The following CCDC57 variants were observed in gnomAD, a reference collection of about 807,000 sequenced individuals.
CCDC57 encodes the protein coiled-coil domain containing 57, also known as coiled-coil domain-containing protein 57.
CCDC57 carries 118 observed loss-of-function variants against 118.9 expected under a neutral mutation model. That is an observed-to-expected ratio of 0.99 (90% CI 0.86 to 1.16). CCDC57 has a LOEUF of 1.16. CCDC57 is among the 50% of genes most tolerant of loss of function. The probability of loss-of-function intolerance (pLI) is 0.00; values close to 1 mark genes in which losing one functional copy is unlikely to be tolerated. For synonymous variants in CCDC57, 527 were observed against 532.9 expected (o/e 0.99, Z 0.15); for missense variants, 1,300 against 1,320.7 (o/e 0.98, Z 0.24).
chr17:82,115,143 T>C (rs180933479), intron 19 of CCDC57, among the ~76,000 whole-genome samples: 11 of 152,294 alleles, frequency 7.2e-5, no homozygotes, highest in African/African-American at 2.2e-4. Flanking sequence ...CTGTGTGACT[T>C]TGGACTTGGC....
chr17:82,126,385 C>T, intron 19 of CCDC57: 1 of 979,494 alleles, frequency 1.0e-6, no homozygotes, highest in Non-Finnish European at 1.2e-6. Flanking sequence ...CATTTAAAAA[C>T]ATGAAGAACT....
At chr17:82,180,990 C>A (rs1431301494) in intron 9 of CCDC57, among the ~76,000 whole-genome samples, 1 of 152,228 alleles carries the variant, frequency 6.6e-6, no homozygotes, top group African/African-American at 2.4e-5. Context: ...CACTCGCCGC[C>A]CGGCTTCTCT....
Position 82,199,477 on chromosome 17 carries a change from C to CAAAAAAAAAAA in CCDC57, c.408-1066_408-1056dup, listed in dbSNP as rs55713414. On this transcript the variant is annotated intron_variant, in intron 3 of 19. Coordinates refer to ENST00000665763, the Ensembl canonical transcript of CCDC57. ...TGGGCGACAGAGCAAGACTCTGTCTCAAAAAAAAAAAAAGAGTGTGAGACT... is the reference window on the plus strand; with the variant it reads ...TGGGCGACAGAGCAAGACTCTGTCTCAAAAAAAAAAAAAAAAAAAAAAAAGAGTGTGAGACT... 1.4e-3 allele frequency among the ~76,000 whole-genome samples: 127 copies of CAAAAAAAAAAA among 87,668 alleles called. 6 individuals are homozygous for CAAAAAAAAAAA. The highest frequency in any genetic ancestry group is 5.0e-3 in the African/African-American group (111 of 22,336). 57.5% of individuals were successfully genotyped at this position (87,668 alleles called of 152,430 possible).
intron 19 of CCDC57, among the ~76,000 whole-genome samples, chr17:82,106,779 ACT>A (rs1216715710): frequency 6.6e-6 from 1 of 152,120 alleles, no homozygotes; most frequent in East Asian, 1.9e-4. Flanking sequence ...CTCTGTTGGC[ACT>A]GTCTGGGGAC....
chr17:82,137,797 C>T (rs1342696204), intron 16 of CCDC57, among the ~76,000 whole-genome samples: 1 of 151,326 alleles, frequency 6.6e-6, no homozygotes, highest in Non-Finnish European at 1.5e-5. Context: ...CCTCAGCCTC[C>T]CGGGTAGCTG....
chr17:82,102,250 C>T (rs2034500035), intron 19 of CCDC57, among the ~76,000 whole-genome samples: 1 of 152,170 alleles, frequency 6.6e-6, no homozygotes, highest in Non-Finnish European at 1.5e-5. Flanking sequence ...CTCAAAGCTC[C>T]TCCCCCCAGG....
chr17:82,196,144 A>T (rs2048277057), intron 4 of CCDC57, among the ~76,000 whole-genome samples: 1 of 152,132 alleles, frequency 6.6e-6, no homozygotes, highest in Non-Finnish European at 1.5e-5. Flanking sequence ...CACTGTCCCC[A>T]GATGCTGCCA....
At chr17:82,110,473 C>T (rs1408219415) in intron 19 of CCDC57, among the ~76,000 whole-genome samples, 1 of 152,182 alleles carries the variant, frequency 6.6e-6, no homozygotes, top group African/African-American at 2.4e-5. Flanking sequence ...GGCAAAAACT[C>T]ATTCATCAAC....
chr17:82,169,402 T>G (rs1235365679), intron 13 of CCDC57, among the ~76,000 whole-genome samples: 1 of 152,210 alleles, frequency 6.6e-6, no homozygotes, highest in African/African-American at 2.4e-5. Flanking sequence ...GTGCTGGGAT[T>G]ACAGGCGTGA....
chr17:82,184,549 G>A (rs965664312), intron 8 of CCDC57, among the ~76,000 whole-genome samples: 2 of 152,262 alleles, frequency 1.3e-5, no homozygotes, highest in Non-Finnish European at 2.9e-5. Flanking sequence ...ACCTAGGCAA[G>A]ATGATACCTG....
intron 3 of CCDC57, among the ~76,000 whole-genome samples, chr17:82,200,684 G>A (rs906472901): frequency 6.6e-6 from 1 of 151,870 alleles, no homozygotes; most frequent in African/African-American, 2.4e-5. Context: ...TCCCAGCTAC[G>A]TGGGAGGCTG....
At chr17:82,168,517 G>A (rs6502080) in intron 13 of CCDC57, among the ~76,000 whole-genome samples, 70,798 of 151,856 alleles carry the variant, frequency 0.47, 17,289 homozygotes, top group East Asian at 0.88. Context: ...AGAATCGCTC[G>A]AACCCAGGAG....
chr17:82,127,585 A>G (rs1162454155), intron 19 of CCDC57, 107 bp downstream of exon 18: 2 of 1,462,384 alleles, frequency 1.4e-6, no homozygotes, highest in Admixed American at 5.6e-5. Context: ...CAGGGATTTC[A>G]GGGTGCAGGA....
intron 16 of CCDC57, chr17:82,135,147 G>A (rs939047735): frequency 6.6e-6 from 1 of 152,054 alleles, no homozygotes; most frequent in African/African-American, 2.4e-5. Flanking sequence ...TGTCCCCCAG[G>A]CTGGAGTGCA....
intron 19 of CCDC57, 92 bp from the exon 19 acceptor site, chr17:82,101,958 C>A (rs943898831): frequency 7.1e-6 from 9 of 1,272,360 alleles, no homozygotes; most frequent in Non-Finnish European, 9.4e-6. Context: ...GCAGCACTTC[C>A]GTGTTCCCGG....
chr17:82,158,616 A>T (rs1207811067), intron 14 of CCDC57, among the ~76,000 whole-genome samples: 1 of 143,402 alleles, frequency 7.0e-6, no homozygotes, highest in South Asian at 2.3e-4. Flanking sequence ...TGAACCCGGG[A>T]GGTGGAGCTT....
At chr17:82,157,557 T>C in intron 15 of CCDC57, 191 bp downstream of exon 14, 5 of 1,430,254 alleles carry the variant, frequency 3.5e-6, no homozygotes, top group Non-Finnish European at 4.6e-6. Context: ...AGGAGGCGTG[T>C]GGAGGAAGAA....
chr17:82,133,963 A>C (rs925775483), intron 17 of CCDC57, 110 bp downstream of exon 16: 2 of 1,096,050 alleles, frequency 1.8e-6, no homozygotes, highest in African/African-American at 3.3e-5. Context: ...GATCCTGAAA[A>C]TTGGAGGCTT....
At position 82,157,616 on chromosome 17, in the gene CCDC57, G is replaced by C. The variant is rs1178076537; in HGVS notation, c.2241+132C>G. The C allele has an allele frequency of 2.8e-6, 4 of 1,445,474 alleles. No homozygotes were observed. The South Asian group carries it at 5.8e-5, about 21-fold the overall frequency. 89.5% of individuals were successfully genotyped at this position (1,445,474 alleles called of 1,614,324 possible). Reference sequence around the variant, plus strand: ...TGGAGCAGGGCCCACTTCCAGGCACGGCCTTCACTGCAGCCCTCGTCCCAC... The same window carrying C: ...TGGAGCAGGGCCCACTTCCAGGCACCGCCTTCACTGCAGCCCTCGTCCCAC... On this transcript the variant is annotated intron_variant, in intron 15 of 19. Transcript: ENST00000665763.
Sources: allele counts gnomAD v4.1 joint callset (sites outside exome capture counted in the v4.1 genomes callset), GRCh38; gene constraint gnomAD v4.1.1; transcripts MANE v1.5; gene names NCBI Gene and HGNC (gene_info 2026-07-23, HGNC 2026-07-21).